Variants in CD96 observed in about 807,000 individuals in gnomAD.
The protein encoded by CD96 is T-cell surface protein tactile.
CD96 carries 70 observed loss-of-function variants against 71.3 expected under a neutral mutation model. The ratio of observed to expected loss-of-function variants is 0.98; its 90% CI spans 0.81 to 1.20. The LOEUF (loss-of-function observed/expected upper bound fraction) is 1.20, where lower values mean the gene tolerates loss of function less well. Ranked by LOEUF, CD96 falls within the 50% of genes most tolerant of loss-of-function variation. CD96 has a pLI of 0.00. For synonymous variants in CD96, 248 were observed against 233.0 expected (o/e 1.06, Z -0.59); for missense variants, 742 against 677.5 (o/e 1.10, Z -1.06).
intron 5 of CD96, among the ~76,000 whole-genome samples, chr3:111,596,203 A>T (rs529924582): frequency 4.6e-5 from 7 of 151,980 alleles, no homozygotes; most frequent in Admixed American, 4.6e-4. Context: ...AAATAAAAAA[A>T]GAAAGAAAAG....
At chr3:111,626,026 G>C (rs189207372) in intron 10 of CD96, among the ~76,000 whole-genome samples, 1 of 152,196 alleles carries the variant, frequency 6.6e-6, no homozygotes, top group African/African-American at 2.4e-5. Flanking sequence ...AATCTCGGCC[G>C]GGTGCAGTGG....
intron 3 of CD96, among the ~76,000 whole-genome samples, chr3:111,574,427 C>T (rs1293107356): frequency 6.6e-6 from 1 of 152,186 alleles, no homozygotes; most frequent in African/African-American, 2.4e-5. Context: ...GAGCCTGAAA[C>T]ATTTCTGATA....
At chr3:111,554,827 C>A (rs1367792723) in intron 2 of CD96, among the ~76,000 whole-genome samples, 2 of 151,668 alleles carry the variant, frequency 1.3e-5, no homozygotes, top group Admixed American at 6.6e-5. Flanking sequence ...TACAACTCAC[C>A]ATAATGTAGA....
intron 10 of CD96, among the ~76,000 whole-genome samples, chr3:111,629,472 C>G (rs1172904669): frequency 6.6e-6 from 1 of 152,006 alleles, no homozygotes; most frequent in Non-Finnish European, 1.5e-5. Context: ...CCTAATTGTC[C>G]TAAACATATA....
At chr3:111,645,921 A>G (rs151273858) in intron 12 of CD96, among the ~76,000 whole-genome samples, 1 of 152,186 alleles carries the variant, frequency 6.6e-6, no homozygotes, top group Non-Finnish European at 1.5e-5. Flanking sequence ...AGTCCAGGCT[A>G]TGTAAAAACA....
chr3:111,592,804 CTAAG>C (rs1937053884), intron 5 of CD96: 1 of 152,102 alleles, frequency 6.6e-6, no homozygotes, highest in Non-Finnish European at 1.5e-5. Flanking sequence ...AATGTTTAAA[CTAAG>C]TAAGTTGAGA....
At chr3:111,608,611 C>A (rs1363654866) in intron 8 of CD96, among the ~76,000 whole-genome samples, 1 of 152,182 alleles carries the variant, frequency 6.6e-6, no homozygotes, top group African/African-American at 2.4e-5. Flanking sequence ...TTTGCATTCA[C>A]ACCACAGTGT....
downstream of CD96, among the ~76,000 whole-genome samples, chr3:111,652,548 A>G (rs1255274093): frequency 1.3e-5 from 2 of 152,144 alleles, no homozygotes; most frequent in South Asian, 2.1e-4. Context: ...TTATCAATCT[A>G]TCAGATGACA....
At chr3:111,555,639 T>C (rs1466459995) in intron 2 of CD96, among the ~76,000 whole-genome samples, 6 of 152,298 alleles carry the variant, frequency 3.9e-5, no homozygotes, top group African/African-American at 1.2e-4. Flanking sequence ...CTCCTTTCAA[T>C]TGCTACTTTT....
intron 10 of CD96, among the ~76,000 whole-genome samples, chr3:111,636,178 A>G (rs986665372): frequency 6.6e-6 from 1 of 152,198 alleles, no homozygotes; most frequent in Admixed American, 6.5e-5. Context: ...AAATGGAAAT[A>G]GCTATGACAA....
chr3:111,626,614 A>G (rs2107720242), intron 10 of CD96, among the ~76,000 whole-genome samples: 1 of 152,314 alleles, frequency 6.6e-6, no homozygotes, highest in East Asian at 1.9e-4. Flanking sequence ...ACATCTATGC[A>G]TGAGATATGC....
intron 4 of CD96, among the ~76,000 whole-genome samples, chr3:111,583,301 G>A (rs1303481309): frequency 6.6e-6 from 1 of 152,200 alleles, no homozygotes; most frequent in Non-Finnish European, 1.5e-5. Context: ...CTGTCCCTGT[G>A]GCTTTACAGG....
intron 8 of CD96, among the ~76,000 whole-genome samples, chr3:111,616,506 G>A (rs576714778): frequency 2.6e-4 from 39 of 152,186 alleles, no homozygotes; most frequent in Middle Eastern, 3.4e-3. Context: ...GGGTGGTTGC[G>A]TGCTAGACAT....
intron 1 of CD96, among the ~76,000 whole-genome samples, chr3:111,544,810 G>A (rs563406431): frequency 9.4e-4 from 143 of 152,278 alleles, no homozygotes; most frequent in Non-Finnish European, 1.5e-3. Flanking sequence ...CCAACACATA[G>A]ATAAATATTT....
chr3:111,665,335 CT>C (rs1255465827), intron 14 of CD96, among the ~76,000 whole-genome samples: 2 of 152,126 alleles, frequency 1.3e-5, no homozygotes, highest in African/African-American at 4.8e-5. Context: ...CAAAACTACC[CT>C]ATTTTTCCAA....
Position 111,652,112 on chromosome 3 carries a change from G to T in CD96, c.*2306G>T, listed in dbSNP as rs1940109265. Reference sequence around the variant, plus strand: ...CAGCTAAGCCTTTTACTAAATTTCTGAACTTCTAACACTATTAGATAATAA... The same window carrying T: ...CAGCTAAGCCTTTTACTAAATTTCTTAACTTCTAACACTATTAGATAATAA... On this transcript the variant is annotated 3_prime_UTR_variant, in exon 14 of 14. Coordinates refer to ENST00000352690, the MANE Select transcript of CD96 (RefSeq NM_005816.5). 6.6e-6 allele frequency: 1 copy of T among 152,010 alleles called. No individual in the cohort carries two copies. The highest frequency in any genetic ancestry group is 2.4e-5 in the African/African-American group (1 of 41,372). 9.4% of individuals were successfully genotyped at this position (152,010 alleles called of 1,614,324 possible). A position where few individuals can be genotyped will look rare whatever the true frequency, so the allele number is the denominator to read the frequency against.
chr3:111,563,435 T>C (rs146328134), intron 2 of CD96, among the ~76,000 whole-genome samples: 1 of 152,346 alleles, frequency 6.6e-6, no homozygotes, highest in East Asian at 1.9e-4. Flanking sequence ...CTACATTTCT[T>C]AATGACCAGG....
chr3:111,648,242 G>A (rs1291249481), intron 13 of CD96, among the ~76,000 whole-genome samples: 1 of 152,154 alleles, frequency 6.6e-6, no homozygotes, highest in African/African-American at 2.4e-5. Context: ...ATAAGGTTAA[G>A]CCTCATTTTT....
Position 111,575,744 on chromosome 3 carries a change from A to G in CD96, c.544-3283A>G, listed in dbSNP as rs115934081. The stretch of plus-strand genomic sequence containing the variant: ...CTTCCAAGATGGCACCTTGAATGCT[A>G]TGTTCTCCAGAGAGGACAAAAATCT... On this transcript the variant is annotated intron_variant, in intron 3 of 13. Transcript: ENST00000352690. Among the ~76,000 whole-genome samples, 642 of 152,346 alleles carry G rather than the reference A, an allele frequency of 4.2e-3. 2 individuals are homozygous for G. The highest frequency in any genetic ancestry group is 7.7e-3 in the Non-Finnish European group (522 of 68,020).
Sources: gnomAD v4.1 joint callset for allele counts (sites outside exome capture counted in the v4.1 genomes callset) on GRCh38, gnomAD v4.1.1 for gene constraint, MANE v1.5 for transcripts, NCBI Gene and HGNC (gene_info 2026-07-23, HGNC 2026-07-21) for gene names.